The following PRKAG2 variants were observed in gnomAD, a reference collection of about 807,000 sequenced individuals.
The protein encoded by PRKAG2 is protein kinase AMP-activated non-catalytic subunit gamma 2.
A neutral mutation model predicts 69.6 loss-of-function variants in PRKAG2; 26 were observed. The ratio of observed to expected loss-of-function variants is 0.37; its 90% confidence interval spans 0.27 to 0.52. PRKAG2 has a LOEUF of 0.52. Among genes scored for constraint, PRKAG2 ranks in the 20% least tolerant of loss-of-function variants. The pLI is 0.90. For missense variants in PRKAG2, 557 were observed against 740.0 expected (o/e 0.75, Z 2.87); for synonymous variants, 293 against 285.0 (o/e 1.03, Z -0.28).
intron 5 of PRKAG2, among the ~76,000 whole-genome samples, chr7:151,604,480 T>TA (rs200816484): frequency 0.037 from 5,557 of 151,764 alleles, 340 homozygotes; most frequent in African/African-American, 0.13. Context: ...CTACAAAACA[T>TA]AAAAAAAATT....
At chr7:151,832,027 C>G (rs1003039727) in intron 1 of PRKAG2, among the ~76,000 whole-genome samples, 2 of 152,058 alleles carry the variant, frequency 1.3e-5, no homozygotes, top group African/African-American at 2.4e-5. Flanking sequence ...GGCTGCTGCA[C>G]GAAATCTCCA....
At chr7:151,732,799 T>C in intron 3 of PRKAG2, among the ~76,000 whole-genome samples, 1 of 152,038 alleles carries the variant, frequency 6.6e-6, no homozygotes, top group East Asian at 1.9e-4. Flanking sequence ...TTTCAGCAAT[T>C]CTCCTGTCTC....
chr7:151,698,300 G>C (rs544221725), intron 3 of PRKAG2, among the ~76,000 whole-genome samples: 1 of 152,298 alleles, frequency 6.6e-6, no homozygotes, highest in Non-Finnish European at 1.5e-5. Flanking sequence ...CTGTCCCTCT[G>C]AGCCTCCTCC....
chr7:151,770,625 T>A (rs2075976864), intron 3 of PRKAG2, among the ~76,000 whole-genome samples: 1 of 152,228 alleles, frequency 6.6e-6, no homozygotes, highest in Non-Finnish European at 1.5e-5. Flanking sequence ...GACACTTTGC[T>A]GGTCACTGAG....
rs751697775 is a variant in PRKAG2 at position 151,731,340 on chromosome 7, G to A, written c.466+49812C>T. On this transcript the variant is annotated intron_variant, in intron 3 of 15. Transcript: ENST00000287878. ...CCCTGCCTGGCTCTGCAGCCAGAGA[G>A]GGGTAAGGGCTGAGCACTCCTGAGT... Among the ~76,000 whole-genome samples the A allele has an allele frequency of 2.0e-5, 3 of 152,254 alleles. No homozygotes were observed. In the East Asian group the frequency reaches 5.8e-4, roughly 29 times the overall value.
chr7:151,561,188 G>A (rs1363403547), intron 14 of PRKAG2, among the ~76,000 whole-genome samples: 1 of 152,160 alleles, frequency 6.6e-6, no homozygotes, highest in African/African-American at 2.4e-5. Flanking sequence ...TTACTTTTAA[G>A]AAAAATGAGC....
In PRKAG2 at chr7:151,614,865, C is replaced by A. The variant is rs941326829; in HGVS notation, c.754+17204G>T. On this transcript the variant is annotated intron_variant, in intron 5 of 15. Transcript: ENST00000287878. This position sits in a 1 kb window ranked among gnomAD's most constrained non-coding sequence, Gnocchi z 4.4. ...CTCAGCCCCAGTCTCCTCACCTTTA[C>A]ACTGGAACAAAAGAGCCTCAAAGGG... Among the ~76,000 whole-genome samples, 1 of 152,234 alleles carries A rather than the reference C, an allele frequency of 6.6e-6. No individual in the cohort carries two copies. The highest frequency in any genetic ancestry group is 2.4e-5 in the African/African-American group (1 of 41,458).
At chr7:151,776,052 A>G (rs2076330165) in intron 3 of PRKAG2, among the ~76,000 whole-genome samples, 1 of 152,208 alleles carries the variant, frequency 6.6e-6, no homozygotes, top group African/African-American at 2.4e-5. Context: ...GTCAAGTAAC[A>G]CCACAGCACA....
intron 1 of PRKAG2, among the ~76,000 whole-genome samples, chr7:151,831,884 G>A (rs992523637): frequency 6.6e-6 from 1 of 152,168 alleles, no homozygotes; most frequent in African/African-American, 2.4e-5. Context: ...ACAGAGTGGG[G>A]AGCAGAGGAC....
chr7:151,851,363 A>T (rs1326908673), intron 1 of PRKAG2, among the ~76,000 whole-genome samples: 1 of 152,062 alleles, frequency 6.6e-6, no homozygotes, highest in Non-Finnish European at 1.5e-5. Context: ...AGAAAAAAAA[A>T]AATCACTTCT....
At chr7:151,670,542 AT>A (rs1363621212) in intron 4 of PRKAG2, among the ~76,000 whole-genome samples, 1 of 152,212 alleles carries the variant, frequency 6.6e-6, no homozygotes, top group Non-Finnish European at 1.5e-5. Context: ...GTTGAAAAGA[AT>A]TTCGACTTCC....
chr7:151,776,724 GC>G (rs1465044467), intron 3 of PRKAG2, among the ~76,000 whole-genome samples: 1 of 152,260 alleles, frequency 6.6e-6, no homozygotes, highest in East Asian at 1.9e-4. Flanking sequence ...GGCAGGCCCA[GC>G]CGGGGCAGTG....
rs2080418500 is a variant in PRKAG2, at chr7:151,876,889, T to C, written c.-269A>G. On this transcript the variant is annotated 5_prime_UTR_variant, in exon 1 of 16. Transcript: ENST00000287878. ...CGGTTCTGGTGTCTCCCCGGGTTAC[T>C]CGTGGCTGAGGTCTCCCGCTGGGTG... 1 of 550,056 alleles carries C rather than the reference T, an allele frequency of 1.8e-6. No individual in the cohort carries two copies. Among genetic ancestry groups the C allele is most frequent in the South Asian group, 2.1e-5 (1 of 48,438 alleles). The allele number at this position is 550,056 out of a possible 1,614,324, so 34.1% of individuals were successfully genotyped here.
chr7:151,698,399 C>A (rs1165498230), intron 3 of PRKAG2, among the ~76,000 whole-genome samples: 1 of 152,116 alleles, frequency 6.6e-6, no homozygotes, highest in African/African-American at 2.4e-5. Context: ...TTTGTCCCCT[C>A]CGAATCTCAT....
intron 1 of PRKAG2, among the ~76,000 whole-genome samples, chr7:151,851,747 A>G (rs576384879): frequency 6.6e-6 from 1 of 152,304 alleles, no homozygotes; most frequent in South Asian, 2.1e-4. Context: ...AAGGATGGGA[A>G]GCCTCCCTCC....
intron 4 of PRKAG2, among the ~76,000 whole-genome samples, chr7:151,662,245 G>A (rs1326972266): frequency 3.3e-5 from 5 of 152,264 alleles, no homozygotes; most frequent in African/African-American, 1.2e-4. Context: ...CTCCACATCA[G>A]ACTTCTAAAT....
chr7:151,720,356 T>C (rs1796853112), intron 3 of PRKAG2, among the ~76,000 whole-genome samples: 1 of 151,898 alleles, frequency 6.6e-6, no homozygotes, highest in Admixed American at 6.6e-5. Flanking sequence ...TAGGAGAGTC[T>C]ACCTAATACA....
chr7:151,804,539 T>C (rs574309102), intron 1 of PRKAG2, among the ~76,000 whole-genome samples: 5 of 152,118 alleles, frequency 3.3e-5, no homozygotes, highest in Non-Finnish European at 7.4e-5. Flanking sequence ...AAGAGGAGAT[T>C]TGGGTGGGGA....
intron 1 of PRKAG2, among the ~76,000 whole-genome samples, chr7:151,808,059 T>C (rs374184934): frequency 8.5e-5 from 13 of 152,146 alleles, no homozygotes; most frequent in African/African-American, 3.1e-4. Context: ...ATATTTAAAA[T>C]GTGAGGAACC....
Sources: allele counts gnomAD v4.1 joint callset (sites outside exome capture counted in the v4.1 genomes callset), GRCh38; gene constraint gnomAD v4.1.1; non-coding constraint Gnocchi (gnomAD v3.1); transcripts MANE v1.5; gene names NCBI Gene and HGNC (gene_info 2026-07-23, HGNC 2026-07-21).